Variants in CTNNA2 observed in about 807,000 individuals in gnomAD.
CTNNA2 encodes catenin alpha-2.
Under a neutral mutation model 101.0 loss-of-function variants are expected in CTNNA2, and 42 were observed. The ratio of observed to expected loss-of-function variants is 0.42; its 90% CI spans 0.32 to 0.54. The LOEUF is 0.54. Ranked by LOEUF, CTNNA2 falls within the 20% of genes least tolerant of loss-of-function variation. The pLI, the probability that CTNNA2 is intolerant of heterozygous loss-of-function variation, is 0.14. For missense variants in CTNNA2, 871 were observed against 1,223.1 expected (o/e 0.71, Z 4.29); for synonymous variants, 450 against 456.4 (o/e 0.99, Z 0.18).
rs183380617 is a variant in CTNNA2 at position 79,769,301 on chromosome 2, G to A, written c.298+24719G>A. ...GCAGGTTGAGGGCATATTTGATCTT[G>A]AAAAATGGAGGGTCACTTAATCAAT... On this transcript the variant is annotated intron_variant, in intron 3 of 18. Coordinates refer to ENST00000402739, the MANE Select transcript of CTNNA2 (RefSeq NM_001282597.3). 2.3e-3 allele frequency among the ~76,000 whole-genome samples: 350 copies of A among 152,228 alleles called. 1 individual carries two copies. Among genetic ancestry groups the A allele is most frequent in the African/African-American group, 7.9e-3 (329 of 41,534 alleles).
intron 2 of CTNNA2, among the ~76,000 whole-genome samples, chr2:79,227,898 C>G (rs780406614): frequency 6.6e-6 from 1 of 152,174 alleles, no homozygotes; most frequent in African/African-American, 2.4e-5. Context: ...GTTCTTCAAC[C>G]CACGGCCCTC....
chr2:80,453,747 A>C (rs1440209098), intron 9 of CTNNA2, among the ~76,000 whole-genome samples: 2 of 152,190 alleles, frequency 1.3e-5, no homozygotes, highest in Non-Finnish European at 2.9e-5. Flanking sequence ...AACACAATGT[A>C]GTTTCAATCA....
intron 2 of CTNNA2, among the ~76,000 whole-genome samples, chr2:79,718,364 G>C (rs1686247439): frequency 6.6e-6 from 1 of 152,116 alleles, no homozygotes; most frequent in Non-Finnish European, 1.5e-5. Context: ...CATAAAATTT[G>C]ACACTATTAA....
intron 1 of CTNNA2, among the ~76,000 whole-genome samples, chr2:79,581,539 A>AT (rs950666585): frequency 6.6e-6 from 1 of 152,052 alleles, no homozygotes; most frequent in Non-Finnish European, 1.5e-5. Context: ...GAAAAAAAAA[A>AT]GGTAACATAC....
chr2:79,308,261 G>C (rs1676291425), intron 2 of CTNNA2, among the ~76,000 whole-genome samples: 1 of 152,098 alleles, frequency 6.6e-6, no homozygotes, highest in African/African-American at 2.4e-5. Flanking sequence ...GGCCAGGCTA[G>C]TCTCAAACTC....
intron 7 of CTNNA2, among the ~76,000 whole-genome samples, chr2:80,380,123 G>C (rs994331001): frequency 8.7e-4 from 118 of 134,952 alleles, no homozygotes; most frequent in Non-Finnish European, 1.6e-3. Context: ...TGCAAGCTCC[G>C]CCTCCCGGGT....
At chr2:79,535,584 T>G (rs1429152946) in intron 1 of CTNNA2, among the ~76,000 whole-genome samples, 2 of 152,150 alleles carry the variant, frequency 1.3e-5, no homozygotes, top group Non-Finnish European at 2.9e-5. Context: ...TTAAAAAAAT[T>G]ATGCCCTTCA....
chr2:79,874,387 GA>G, intron 6 of CTNNA2, 45 bp downstream of exon 6: 1 of 1,535,412 alleles, frequency 6.5e-7, no homozygotes, highest in Non-Finnish European at 8.7e-7. Flanking sequence ...CACTGGTGTT[GA>G]CAAAAAAAAA....
At chr2:79,366,419 G>A (rs917925465) in intron 3 of CTNNA2, among the ~76,000 whole-genome samples, 1 of 152,182 alleles carries the variant, frequency 6.6e-6, no homozygotes, top group Non-Finnish European at 1.5e-5. Flanking sequence ...CCTGTTTGGT[G>A]TGGGTTGTTT....
intron 4 of CTNNA2, among the ~76,000 whole-genome samples, chr2:79,866,180 GA>G (rs1682081572): frequency 6.6e-6 from 1 of 152,194 alleles, no homozygotes; most frequent in Non-Finnish European, 1.5e-5. Context: ...ACAGGCCTGC[GA>G]AAAGGCCAAG....
At chr2:79,221,885 T>C (rs1674349801) in intron 2 of CTNNA2, among the ~76,000 whole-genome samples, 1 of 152,172 alleles carries the variant, frequency 6.6e-6, no homozygotes, top group African/African-American at 2.4e-5. Context: ...CTGAGGACAC[T>C]TGTGGTCATG....
At chr2:79,383,952 A>C (rs187468383) in intron 4 of CTNNA2, among the ~76,000 whole-genome samples, 117 of 152,278 alleles carry the variant, frequency 7.7e-4, no homozygotes, top group African/African-American at 2.7e-3. Flanking sequence ...AGAGAGGGAA[A>C]GGAGAGTAGG....
At chr2:80,534,088 A>G (rs1690780541) in intron 9 of CTNNA2, among the ~76,000 whole-genome samples, 1 of 152,148 alleles carries the variant, frequency 6.6e-6, no homozygotes, top group Non-Finnish European at 1.5e-5. Context: ...ACCAGGGCAG[A>G]CTGATCACTT....
intron 3 of CTNNA2, among the ~76,000 whole-genome samples, chr2:79,343,553 A>G (rs1431842285): frequency 6.6e-6 from 1 of 152,082 alleles, no homozygotes; most frequent in Non-Finnish European, 1.5e-5. Context: ...TCACTATGGG[A>G]AGTCTTGGTA....
chr2:79,942,317 G>A (rs1189236810), intron 7 of CTNNA2, among the ~76,000 whole-genome samples: 1 of 152,182 alleles, frequency 6.6e-6, no homozygotes, highest in Admixed American at 6.5e-5. Context: ...ACATCTGGTA[G>A]ATGGCAGAGA....
chr2:79,651,478 C>T, intron 1 of CTNNA2, 74 bp from the exon 2 acceptor site: 1 of 1,361,116 alleles, frequency 7.3e-7, no homozygotes, highest in Non-Finnish European at 1.0e-6. Context: ...CAGTGATTTA[C>T]CCATTTTGAA....
chr2:79,210,081 A>G (rs1674151680), intron 2 of CTNNA2, among the ~76,000 whole-genome samples: 2 of 77,192 alleles, frequency 2.6e-5, no homozygotes, highest in Non-Finnish European at 4.6e-5. Flanking sequence ...TACAGAGTCA[A>G]GCTATATTGT....
At chr2:79,938,940 A>G (rs1687966794) in intron 7 of CTNNA2, among the ~76,000 whole-genome samples, 1 of 152,174 alleles carries the variant, frequency 6.6e-6, no homozygotes, top group Non-Finnish European at 1.5e-5. Context: ...TGCATTAAAG[A>G]CCAGGCAGCT....
chr2:80,142,516 A>G (rs1365684867), intron 7 of CTNNA2, among the ~76,000 whole-genome samples: 1 of 152,182 alleles, frequency 6.6e-6, no homozygotes, highest in African/African-American at 2.4e-5. Context: ...GGAGTGAAGG[A>G]AAGAAGACGT....
Sources: allele counts gnomAD v4.1 joint callset (sites outside exome capture counted in the v4.1 genomes callset), GRCh38; gene constraint gnomAD v4.1.1; transcripts MANE v1.5; gene names NCBI Gene and HGNC (gene_info 2026-07-23, HGNC 2026-07-21).